Variants in FXR1 observed in about 807,000 individuals in gnomAD.
The protein encoded by FXR1 is RNA-binding protein FXR1.
A neutral mutation model predicts 84.0 loss-of-function variants in FXR1; 15 were observed. That is an observed-to-expected ratio of 0.18 (90% CI 0.12 to 0.27). The LOEUF (loss-of-function observed/expected upper bound fraction) is 0.27, where lower values mean the gene tolerates loss of function less well. FXR1 is among the 10% of genes least tolerant of loss of function. The pLI is 1.00. For missense variants in FXR1, 480 were observed against 774.4 expected, an observed-to-expected ratio of 0.62 and a Z score of 4.51; for synonymous variants, 245 against 250.7, an observed-to-expected ratio of 0.98 and a Z score of 0.21.
intron 1 of FXR1, 48 bp from the exon 2 acceptor site, chr3:180,933,286 C>T (rs1481516762): frequency 7.3e-6 from 8 of 1,095,734 alleles, no homozygotes; most frequent in African/African-American, 6.2e-5. Context: ...TTTAGAGTTA[C>T]GAAGTGCTTT....
At chr3:180,962,264 A>G (rs1712219089) in intron 11 of FXR1, among the ~76,000 whole-genome samples, 1 of 152,186 alleles carries the variant, frequency 6.6e-6, no homozygotes, top group Non-Finnish European at 1.5e-5. Context: ...TCACTCTGAT[A>G]ATGTCATTTC....
At chr3:180,971,298 CTAA>C (rs549099537) in intron 15 of FXR1, 83 of 179,708 alleles carry the variant, frequency 4.6e-4, no homozygotes, top group Non-Finnish European at 8.2e-4. Context: ...GTTTATTCAA[CTAA>C]TAAGACTACT....
At position 180,925,379 on chromosome 3, in the gene FXR1, A is replaced by T. The variant is rs534572930; in HGVS notation, c.52-7955A>T. Among the ~76,000 whole-genome samples the T allele has an allele frequency of 3.4e-5, 5 of 148,270 alleles. No individual in the cohort carries two copies. In the South Asian group the frequency reaches 1.1e-3, roughly 32 times the overall value. On this transcript the variant is annotated intron_variant, in intron 1 of 16. Transcript: ENST00000357559. Reference sequence around the variant, plus strand: ...CATCTCAAAAAAAAAAAAAAAGTACATTCCTCTGTTGTCTCCAGGATTTTC... The same window carrying T: ...CATCTCAAAAAAAAAAAAAAAGTACTTTCCTCTGTTGTCTCCAGGATTTTC...
rs1412156070 is a variant in FXR1, at chr3:180,961,596, A to C, written c.1077+42A>C. On this transcript the variant is annotated intron_variant, in intron 11 of 16. Coordinates refer to ENST00000357559, the MANE Select transcript of FXR1 (RefSeq NM_005087.4). Reference sequence around the variant, plus strand: ...TACTATATTCTGATATTGTTGCTGCATTTACTACATAAATGTTGTACATTT... The same window carrying C: ...TACTATATTCTGATATTGTTGCTGCCTTTACTACATAAATGTTGTACATTT... 4.5e-6 allele frequency: 4 copies of C among 882,458 alleles called. No homozygotes were observed. The East Asian group carries it at 9.7e-5, about 21-fold the overall frequency. 54.7% of individuals were successfully genotyped at this position (882,458 alleles called of 1,614,324 possible). A position where few individuals can be genotyped will look rare whatever the true frequency, so the allele number is the denominator to read the frequency against.
At position 180,977,280 on chromosome 3, in the gene FXR1, T is replaced by TA. The variant is rs1203519980; in HGVS notation, c.*992dup. ...ATTTATACTTGCTCATAAATAGCAT[T>TA]AAAATGTCAGTTGGCCATTTAATCA... On this transcript the variant is annotated 3_prime_UTR_variant, in exon 17 of 17. Coordinates refer to ENST00000357559, the MANE Select transcript of FXR1 (RefSeq NM_005087.4). 3 of 152,632 alleles carry TA rather than the reference T, an allele frequency of 2.0e-5. No individual in the cohort carries two copies. In the East Asian group the frequency reaches 5.8e-4, roughly 29 times the overall value. The allele number at this position is 152,632 out of a possible 1,614,324, so 9.5% of individuals were successfully genotyped here. A position where few individuals can be genotyped will look rare whatever the true frequency, so the allele number is the denominator to read the frequency against.
intron 7 of FXR1, among the ~76,000 whole-genome samples, chr3:180,950,937 G>T (rs530280220): frequency 2.0e-5 from 3 of 152,050 alleles, no homozygotes; most frequent in Non-Finnish European, 4.4e-5. Flanking sequence ...TTGTGGCCGC[G>T]TGTGGTAGCT....
chr3:180,951,604 T>G, intron 8 of FXR1, 136 bp downstream of exon 8: 1 of 575,778 alleles, frequency 1.7e-6, no homozygotes, highest in Non-Finnish European at 3.0e-6. Flanking sequence ...GTCAGCCTAG[T>G]AGTCTTACTT....
At chr3:180,926,506 A>ATATATATATATATT (rs72192827) in intron 1 of FXR1, among the ~76,000 whole-genome samples, 10 of 124,368 alleles carry the variant, frequency 8.0e-5, no homozygotes, top group African/African-American at 2.6e-4. Flanking sequence ...ATATATATAT[A>ATATATATATATATT]TTTTTTTTTC....
At chr3:180,921,599 A>G (rs1231694435) in intron 1 of FXR1, among the ~76,000 whole-genome samples, 1 of 152,146 alleles carries the variant, frequency 6.6e-6, no homozygotes, top group African/African-American at 2.4e-5. Context: ...TCAAATTACA[A>G]CTTAGATCTT....
In FXR1 at chr3:180,935,153, C is replaced by T. The variant is rs753572730; in HGVS notation, c.120C>T (p.Arg40=). The change falls in exon 3 of 17, where the codon CGC becomes CGT. Residue 40 remains arginine (R), a synonymous_variant. Transcript: ENST00000357559. ...AATCCTTCAGTTGGCAACCAGAACG[C>T]CAGGTTCCATTTAATGAAGTTAGAT... The part of the protein sequence containing the change: ...VVFENNWQPE[R]QVPFNEVRLP... 6.4e-7 allele frequency: 1 copy of T among 1,574,154 alleles called. No individual in the cohort carries two copies.
rs763112313 is a variant in FXR1 at position 180,968,051 on chromosome 3, G to T, written c.1199G>T (p.Gly400Val). Residue 400 changes from glycine (G) to valine (V), a missense_variant and splice_region_variant, in exon 14 of 17, where the codon GGT becomes GTT. Transcript: ENST00000357559. ...GGTTTATGTTCTTTTCTTTTCCAAG[G>T]TACAAATTCTGAGCTGTCTAACCCC... ...RRGPNYTSGY[G>V]TNSELSNPSE... The T allele has an allele frequency of 4.4e-6, 7 of 1,598,500 alleles. No homozygotes were observed. The South Asian group carries it at 5.5e-5, about 13-fold the overall frequency.
chr3:180,975,796 AG>A (rs1293539530), intron 16 of FXR1, among the ~76,000 whole-genome samples: 1 of 152,166 alleles, frequency 6.6e-6, no homozygotes, highest in Non-Finnish European at 1.5e-5. Context: ...TGAGTAAAGT[AG>A]GTGATTATTT....
At chr3:180,936,983 CAAG>C (rs1431977677) in intron 3 of FXR1, among the ~76,000 whole-genome samples, 19 of 152,272 alleles carry the variant, frequency 1.2e-4, no homozygotes, top group South Asian at 2.1e-4. Flanking sequence ...TGCTGCAAAT[CAAG>C]GAGTGTGAAG....
In FXR1 at chr3:180,949,355, T is replaced by C; in HGVS notation, c.630+12T>C. 1 of 1,199,130 alleles carries C rather than the reference T, an allele frequency of 8.3e-7. No homozygotes were observed. The highest frequency in any genetic ancestry group is 1.2e-6 in the Non-Finnish European group (1 of 800,570). The allele number at this position is 1,199,130 out of a possible 1,614,324, so 74.3% of individuals were successfully genotyped here. A position where few individuals can be genotyped will look rare whatever the true frequency, so the allele number is the denominator to read the frequency against. ...CTAAGCATTTAGAAGTAAGTGGGTT[T>C]ACTTACAAAAGAGTTTTCTGTGTCC... On this transcript the variant is annotated intron_variant, in intron 7 of 16. Transcript: ENST00000357559.
intron 8 of FXR1, among the ~76,000 whole-genome samples, chr3:180,953,011 A>G (rs1722388112): frequency 6.6e-6 from 1 of 151,784 alleles, no homozygotes; most frequent in African/African-American, 2.4e-5. Context: ...TTAAATATAT[A>G]TCTGTATATT....
chr3:180,950,668 A>T (rs1327250709), intron 7 of FXR1, among the ~76,000 whole-genome samples: 1 of 152,280 alleles, frequency 6.6e-6, no homozygotes, highest in African/African-American at 2.4e-5. Context: ...CCTGACAACC[A>T]TCATTCTATT....
At chr3:180,917,478 T>C (rs1202706844) in intron 1 of FXR1, among the ~76,000 whole-genome samples, 1 of 152,210 alleles carries the variant, frequency 6.6e-6, no homozygotes, top group African/African-American at 2.4e-5. Flanking sequence ...AATGGTTGTT[T>C]TGCATATTTA....
intron 1 of FXR1, among the ~76,000 whole-genome samples, chr3:180,927,251 G>C (rs977462245): frequency 6.6e-6 from 1 of 152,066 alleles, no homozygotes; most frequent in Non-Finnish European, 1.5e-5. Flanking sequence ...CAAGACAGAT[G>C]AGATTTTAAA....
intron 3 of FXR1, among the ~76,000 whole-genome samples, chr3:180,941,282 C>G (rs918609587): frequency 2.6e-5 from 4 of 151,810 alleles, no homozygotes; most frequent in Admixed American, 1.3e-4. Flanking sequence ...GCCTTGACCT[C>G]CCGGGCTCAA....
Sources: allele counts gnomAD v4.1 joint callset (sites outside exome capture counted in the v4.1 genomes callset), GRCh38; gene constraint gnomAD v4.1.1; transcripts MANE v1.5; gene names NCBI Gene and HGNC (gene_info 2026-07-23, HGNC 2026-07-21).